Variants in PCNP observed in about 807,000 individuals in gnomAD.
PCNP encodes PEST proteolytic signal-containing nuclear protein.
In PCNP, 6 loss-of-function variants were observed where a neutral mutation model predicts 21.8. That is an observed-to-expected ratio of 0.28 (90% CI 0.15 to 0.54). PCNP has a LOEUF of 0.54. Ranked by LOEUF, PCNP falls within the 20% of genes least tolerant of loss-of-function variation. The pLI, the probability that PCNP is intolerant of heterozygous loss-of-function variation, is 0.95. For missense variants in PCNP, 161 were observed against 215.5 expected, an observed-to-expected ratio of 0.75 and a Z score of 1.58; for synonymous variants, 67 against 73.2, an observed-to-expected ratio of 0.92 and a Z score of 0.43.
Position 101,593,722 on chromosome 3 carries a change from T to A in PCNP, c.*969T>A, listed in dbSNP as rs1020407661. ...GGATTTAAATTACTAACTTATGAAC[T>A]CCAATTTGAATTGAACTTAACTATC... is the stretch of plus-strand genomic sequence containing the variant. On this transcript the variant is annotated 3_prime_UTR_variant, in exon 5 of 5. Transcript: ENST00000265260. 4 of 152,624 alleles carry A rather than the reference T, an allele frequency of 2.6e-5. No individual in the cohort carries two copies. The highest frequency in any genetic ancestry group is 9.6e-5 in the African/African-American group (4 of 41,466). 9.5% of individuals were successfully genotyped at this position (152,624 alleles called of 1,614,324 possible).
intron 2 of PCNP, 145 bp from the exon 3 acceptor site, chr3:101,585,292 G>T: frequency 1.9e-6 from 1 of 536,476 alleles, no homozygotes; most frequent in Non-Finnish European, 3.2e-6. Flanking sequence ...AGAGAGAATG[G>T]ATTTGTCCAA....
chr3:101,583,270 A>G (rs1005209525), intron 2 of PCNP, among the ~76,000 whole-genome samples: 2 of 152,212 alleles, frequency 1.3e-5, no homozygotes, highest in East Asian at 1.9e-4. Flanking sequence ...AGCCTGGCCA[A>G]CATAGCAAAA....
chr3:101,585,746 G>A (rs1037571479), intron 3 of PCNP, among the ~76,000 whole-genome samples: 3 of 152,114 alleles, frequency 2.0e-5, no homozygotes, highest in African/African-American at 7.2e-5. Context: ...ATCAGCAAAT[G>A]TTTATTATGA....
intron 2 of PCNP, among the ~76,000 whole-genome samples, chr3:101,581,404 T>C (rs538021488): frequency 6.6e-6 from 1 of 151,722 alleles, no homozygotes; most frequent in Non-Finnish European, 1.5e-5. Context: ...TCCCTACTCT[T>C]TTTTTTAATT....
intron 3 of PCNP, among the ~76,000 whole-genome samples, chr3:101,587,541 C>T (rs1935595050): frequency 6.6e-6 from 1 of 151,772 alleles, no homozygotes; most frequent in Admixed American, 6.6e-5. Context: ...CTCAGCCTAG[C>T]AGGGCAGACT....
intron 3 of PCNP, 119 bp downstream of exon 3, chr3:101,585,630 G>C (rs555641518): frequency 6.7e-6 from 4 of 594,852 alleles, no homozygotes; most frequent in East Asian, 3.0e-5. Context: ...TTTTGTGTCT[G>C]TGTGTGACAT....
At chr3:101,576,885 A>G (rs920692896) in intron 1 of PCNP, 1 of 1,606,644 alleles carries the variant, frequency 6.2e-7, no homozygotes, top group Admixed American at 1.7e-5. Flanking sequence ...TCCGCTGCCC[A>G]TCGATGTTGG....
At chr3:101,579,210 AG>A (rs1390284181) in intron 1 of PCNP, among the ~76,000 whole-genome samples, 87 of 152,204 alleles carry the variant, frequency 5.7e-4, no homozygotes, top group Middle Eastern at 3.4e-3. Flanking sequence ...ATTTCTCAAG[AG>A]GGAATGACCT....
chr3:101,576,797 C>T lies in PCNP; in HGVS notation c.64+2518C>T, dbSNP rs1366818109. On this transcript the variant is annotated intron_variant, in intron 1 of 4. Transcript: ENST00000265260. ...AGTTCTCCCGCCCTCTTGGTGAGGT[C>T]AGTGTCTGCTTTCCTCAACACCACA... The T allele has an allele frequency of 7.5e-6, 12 of 1,610,336 alleles. No homozygotes were observed. The African/African-American group carries it at 1.6e-4, about 22-fold the overall frequency.
intron 3 of PCNP, among the ~76,000 whole-genome samples, chr3:101,587,658 A>C (rs1415618109): frequency 1.3e-5 from 2 of 151,090 alleles, no homozygotes; most frequent in Non-Finnish European, 2.9e-5. Flanking sequence ...CAGCATGTAA[A>C]AGACCACTGG....
chr3:101,581,180 A>G (rs1450851585), intron 2 of PCNP, among the ~76,000 whole-genome samples: 1 of 152,196 alleles, frequency 6.6e-6, no homozygotes, highest in Non-Finnish European at 1.5e-5. Context: ...CATTGAGCTT[A>G]TAACATCAGT....
rs1216469561 is a variant in PCNP at position 101,574,186 on chromosome 3, G to T, written c.-30G>T. 9.0e-6 allele frequency: 14 copies of T among 1,547,076 alleles called. No individual in the cohort carries two copies. In the Admixed American group the frequency reaches 9.9e-5, roughly 11 times the overall value. On this transcript the variant is annotated 5_prime_UTR_variant, in exon 1 of 5. Coordinates refer to ENST00000265260, the MANE Select transcript of PCNP (RefSeq NM_020357.3). ...TGGGCGGGGTCGTGACGTCCTTGGC[G>T]TGGCTGCAGGGGAGGCCGCGGCGGG...
chr3:101,577,682 G>A (rs988783127), intron 1 of PCNP, among the ~76,000 whole-genome samples: 5 of 152,040 alleles, frequency 3.3e-5, no homozygotes, highest in African/African-American at 7.2e-5. Flanking sequence ...TTGTCACCAC[G>A]CCCATCTTAA....
At chr3:101,586,473 G>A (rs370911520) in intron 3 of PCNP, among the ~76,000 whole-genome samples, 5 of 150,858 alleles carry the variant, frequency 3.3e-5, no homozygotes, top group Admixed American at 1.3e-4. Flanking sequence ...ATGATGTGAC[G>A]TCATTGTGTA....
At chr3:101,592,425 C>T (rs1347279302) in intron 4 of PCNP, among the ~76,000 whole-genome samples, 3 of 150,272 alleles carry the variant, frequency 2.0e-5, no homozygotes, top group South Asian at 2.1e-4. Context: ...CCACCTGCCT[C>T]GACCTCCCAA....
rs1210441823 is a variant in PCNP, at chr3:101,593,663, A to T, written c.*910A>T. The T allele has an allele frequency of 6.6e-6, 1 of 152,644 alleles. No individual in the cohort carries two copies. Among genetic ancestry groups the T allele is most frequent in the East Asian group, 1.9e-4 (1 of 5,204 alleles). The allele number at this position is 152,644 out of a possible 1,614,324, so 9.5% of individuals were successfully genotyped here. On this transcript the variant is annotated 3_prime_UTR_variant, in exon 5 of 5. Transcript: ENST00000265260. The stretch of plus-strand genomic sequence containing the variant: ...AAATTAACATTGTATGAAGATGGAA[A>T]ATAAGAAGATGCACTTTCTGTAACT...
At chr3:101,579,115 T>C (rs1309205266) in intron 1 of PCNP, among the ~76,000 whole-genome samples, 1 of 151,038 alleles carries the variant, frequency 6.6e-6, no homozygotes, top group Non-Finnish European at 1.5e-5. Flanking sequence ...AACTAACATA[T>C]AAACCAAAGT....
chr3:101,587,297 G>A (rs923783510), intron 3 of PCNP, among the ~76,000 whole-genome samples: 1 of 151,912 alleles, frequency 6.6e-6, no homozygotes, highest in African/African-American at 2.4e-5. Flanking sequence ...CAATTTTCAG[G>A]TCACAAGCAG....
chr3:101,588,634 T>C (rs1041567057), intron 3 of PCNP, among the ~76,000 whole-genome samples: 4 of 152,214 alleles, frequency 2.6e-5, no homozygotes, highest in African/African-American at 9.6e-5. Context: ...CTGTTACATA[T>C]GTGTAGTCTC....
Sources: gnomAD v4.1 joint callset for allele counts (sites outside exome capture counted in the v4.1 genomes callset) on GRCh38, gnomAD v4.1.1 for gene constraint, MANE v1.5 for transcripts, NCBI Gene and HGNC (gene_info 2026-07-23, HGNC 2026-07-21) for gene names.